MYO18A: variants seen among roughly 807,000 people sequenced by gnomAD.
MYO18A encodes unconventional myosin-XVIIIa.
A neutral mutation model predicts 235.8 loss-of-function variants in MYO18A; 78 were observed. The ratio of observed to expected loss-of-function variants is 0.33; its 90% CI spans 0.28 to 0.40. The LOEUF (loss-of-function observed/expected upper bound fraction) is 0.40, where lower values mean the gene tolerates loss of function less well. MYO18A is among the 10% of genes least tolerant of loss of function. The probability of loss-of-function intolerance (pLI) is 1.00; values close to 1 mark genes in which losing one functional copy is unlikely to be tolerated. For synonymous variants in MYO18A, 977 were observed against 1,077.8 expected, an observed-to-expected ratio of 0.91 and a Z score of 1.83; for missense variants, 2,215 against 2,699.3, an observed-to-expected ratio of 0.82 and a Z score of 3.98.
chr17:29,090,704 C>T, intron 35 of MYO18A, 89 bp from the exon 36 acceptor site: 1 of 1,528,286 alleles, frequency 6.5e-7, no homozygotes, highest in Non-Finnish European at 9.0e-7. Context: ...GACCGAGGTT[C>T]CCACTCCATC....
chr17:29,111,666 G>T lies in MYO18A; in HGVS notation c.2740+56C>A. On this transcript the variant is annotated intron_variant, in intron 16 of 41. Coordinates refer to ENST00000527372, the MANE Select transcript of MYO18A (RefSeq NM_078471.4). The surrounding 1 kb of genome is among the most constrained non-coding windows in gnomAD (Gnocchi z 5.1). ...GCCCCCTCCCAGGGAGTGCCACCTG[G>T]ACCCACCTGTATGTAAGAGGAAGCA... The T allele has an allele frequency of 3.1e-6, 5 of 1,612,056 alleles. No individual in the cohort carries two copies. The highest frequency in any genetic ancestry group is 4.2e-6 in the Non-Finnish European group (5 of 1,178,826).
intron 2 of MYO18A, among the ~76,000 whole-genome samples, chr17:29,145,501 G>GT (rs1211402136): frequency 1.3e-5 from 2 of 152,176 alleles, no homozygotes; most frequent in Non-Finnish European, 2.9e-5. Context: ...GCTGTGAACT[G>GT]TAATACCTCA....
At chr17:29,119,551 G>A in intron 7 of MYO18A, 116 bp from the exon 8 acceptor site, 1 of 566,516 alleles carries the variant, frequency 1.8e-6, no homozygotes, top group Non-Finnish European at 2.9e-6. Context: ...ACAAGCAGCT[G>A]CATTTTTTTT....
rs543143903 is a variant in MYO18A at position 29,083,538 on chromosome 17, A to G, written c.5898-1100T>C. ...GGCATGTGTGCGCGCGCGCGCACACACACACACACACACACACACACGAAA... is the reference window on the plus strand; with the variant it reads ...GGCATGTGTGCGCGCGCGCGCACACGCACACACACACACACACACACGAAA... On this transcript the variant is annotated intron_variant, in intron 40 of 41. Transcript: ENST00000527372. Among the ~76,000 whole-genome samples the G allele has an allele frequency of 5.3e-3, 806 of 151,486 alleles. 16 individuals are homozygous for G. The highest frequency in any genetic ancestry group is 0.019 in the African/African-American group (769 of 41,228).
chr17:29,154,121 T>TGTGTGTGCGCGCGCGC (rs142430455), intron 2 of MYO18A, among the ~76,000 whole-genome samples: 1 of 149,000 alleles, frequency 6.7e-6, no homozygotes, highest in African/African-American at 2.5e-5. Context: ...TGTGTGTGTG[T>TGTGTGTGCGCGCGCGC]GCGCGCGCGT....
intron 41 of MYO18A, chr17:29,080,275 A>T (rs776137657): frequency 4.8e-4 from 475 of 985,832 alleles, no homozygotes; most frequent in Non-Finnish European, 5.6e-4. Context: ...GGCAGCCTCC[A>T]GGTCTGGGTC....
intron 1 of MYO18A, among the ~76,000 whole-genome samples, chr17:29,174,792 G>A (rs558495557): frequency 6.6e-6 from 1 of 152,182 alleles, no homozygotes; most frequent in Non-Finnish European, 1.5e-5. Context: ...TCCAGCCTGC[G>A]CGAAAGGGCG....
chr17:29,166,528 C>A lies in MYO18A; in HGVS notation c.413G>T (p.Arg138Leu). The change falls in exon 2 of 42, where the codon CGC (arginine) becomes CTC (leucine). Residue 138 changes from arginine to leucine, a missense_variant. Physicochemically the swap from Arg to Leu is moderately radical, Grantham distance 102. Transcript: ENST00000527372. ...AKQNSQMIVK[R>L]FSFSQRSRDE... is the part of the protein sequence containing the mutation. Reference sequence around the variant, plus strand: ...CCGGCTACGCTGGGAGAAGGAAAAGCGCTTGACAATCATCTGTGAGTTCTG... The same window carrying A: ...CCGGCTACGCTGGGAGAAGGAAAAGAGCTTGACAATCATCTGTGAGTTCTG... 6.2e-7 allele frequency: 1 copy of A among 1,613,684 alleles called. No homozygotes were observed. The highest frequency in any genetic ancestry group is 8.5e-7 in the Non-Finnish European group (1 of 1,179,846).
rs1195686853 is a variant in MYO18A, at chr17:29,118,567, C to A, written c.1830-127G>T. ...TTTGTCTGCCCATCATCCCATCATC[C>A]CCAACTGGCGGGCCAGCTGTCACTG... On this transcript the variant is annotated intron_variant, in intron 8 of 41. Coordinates refer to ENST00000527372, the MANE Select transcript of MYO18A (RefSeq NM_078471.4). The surrounding 1 kb of genome is among the most constrained non-coding windows in gnomAD (Gnocchi z 4.2). The A allele has an allele frequency of 7.3e-6, 6 of 821,694 alleles. No individual in the cohort carries two copies. Among genetic ancestry groups the A allele is most frequent in the Non-Finnish European group, 1.2e-5 (6 of 511,424 alleles). The allele number at this position is 821,694 out of a possible 1,614,324, so 50.9% of individuals were successfully genotyped here. A position where few individuals can be genotyped will look rare whatever the true frequency, so the allele number is the denominator to read the frequency against.
Position 29,099,713 on chromosome 17 carries a change from T to A in MYO18A, c.3557A>T (p.Glu1186Val). The A allele has an allele frequency of 6.2e-7, 1 of 1,613,610 alleles. No individual in the cohort carries two copies. The highest frequency in any genetic ancestry group is 1.1e-5 in the South Asian group (1 of 91,052). Residue 1186 changes from glutamate (E) to valine (V), a missense_variant, in exon 22 of 42, where the codon GAA (glutamate) becomes GTA (valine). Coordinates refer to ENST00000527372, the MANE Select transcript of MYO18A (RefSeq NM_078471.4). ...CAGGGTTAGGTTCCTGCTGGTTTGT[T>A]CATCCCGCTGCTCCTCCAGCCGTGC... ...TLARLEEQRD[E>V]QTSRNLTLFQ...
intron 21 of MYO18A, among the ~76,000 whole-genome samples, chr17:29,100,183 A>G (rs536639926): frequency 6.6e-6 from 1 of 152,334 alleles, no homozygotes; most frequent in South Asian, 2.1e-4. Context: ...TGCAGGGCCC[A>G]ACCTGGGCTC....
intron 1 of MYO18A, among the ~76,000 whole-genome samples, chr17:29,168,839 G>A (rs1186943926): frequency 6.6e-6 from 1 of 152,168 alleles, no homozygotes. Context: ...GCTCATGCCT[G>A]TAATCCCCAA....
chr17:29,153,514 A>G (rs1301162493), intron 2 of MYO18A, among the ~76,000 whole-genome samples: 1 of 152,242 alleles, frequency 6.6e-6, no homozygotes, highest in Non-Finnish European at 1.5e-5. Context: ...AATTTGCCCA[A>G]GGTCACTCAG....
chr17:29,175,841 C>T (rs2068512188), intron 1 of MYO18A, among the ~76,000 whole-genome samples: 1 of 152,122 alleles, frequency 6.6e-6, no homozygotes, highest in East Asian at 1.9e-4. Flanking sequence ...AGGTGGATGA[C>T]GAGGTCAGGA....
At chr17:29,177,105 T>A (rs1266408814) in intron 1 of MYO18A, among the ~76,000 whole-genome samples, 1 of 152,100 alleles carries the variant, frequency 6.6e-6, no homozygotes, top group African/African-American at 2.4e-5. Flanking sequence ...GCCTCCACTA[T>A]TTCAGCTACA....
chr17:29,085,426 C>T (rs1028179175), intron 40 of MYO18A, among the ~76,000 whole-genome samples, 178 bp downstream of exon 40: 7 of 152,202 alleles, frequency 4.6e-5, no homozygotes, highest in Non-Finnish European at 8.8e-5. Context: ...CCTCATTGCC[C>T]GCTCCCTGCC....
In MYO18A at chr17:29,121,765, C is replaced by A. The variant is rs369219443; in HGVS notation, c.1195-42G>T. The A allele has an allele frequency of 1.2e-4, 195 of 1,596,568 alleles. 1 individual carries two copies. The highest frequency in any genetic ancestry group is 3.5e-5 in the Admixed American group (2 of 57,802). On this transcript the variant is annotated intron_variant, in intron 4 of 41. Transcript: ENST00000527372. This position sits in a 1 kb window ranked among gnomAD's most constrained non-coding sequence, Gnocchi z 4.2. ...GCGGGTGGGTATTAGAGCAGCAGAG[C>A]CCATCTCCGCTGCCAGAGGATGGGC...
In MYO18A at chr17:29,161,216, G is replaced by A. The variant is rs140260686; in HGVS notation, c.999+4726C>T. On this transcript the variant is annotated intron_variant, in intron 2 of 41. Coordinates refer to ENST00000527372, the MANE Select transcript of MYO18A (RefSeq NM_078471.4). Reference sequence around the variant, plus strand: ...CTAAAAATATAAAAATTAGCTAGGCGTGGTGGCAGGCACCTGTAATCCCAG... The same window carrying A: ...CTAAAAATATAAAAATTAGCTAGGCATGGTGGCAGGCACCTGTAATCCCAG... Among the ~76,000 whole-genome samples, 745 of 152,222 alleles carry A rather than the reference G, an allele frequency of 4.9e-3. 3 individuals carry two copies. Among genetic ancestry groups the A allele is most frequent in the Non-Finnish European group, 7.4e-3 (505 of 68,020 alleles).
Position 29,116,787 on chromosome 17 carries a change from T to A in MYO18A, c.2039-332A>T, listed in dbSNP as rs1440799242. ...AGCTCTGAGGCGCTAACAGACATTGTTTGAGAAGATCGCTGTGCTGACACC... is the reference window on the plus strand; with the variant it reads ...AGCTCTGAGGCGCTAACAGACATTGATTGAGAAGATCGCTGTGCTGACACC... On this transcript the variant is annotated intron_variant, in intron 10 of 41. Coordinates refer to ENST00000527372, the MANE Select transcript of MYO18A (RefSeq NM_078471.4). Among the ~76,000 whole-genome samples the A allele has an allele frequency of 5.5e-5, 7 of 127,024 alleles. No individual in the cohort carries two copies. The East Asian group carries it at 1.7e-3, about 31-fold the overall frequency. 83.3% of individuals were successfully genotyped at this position (127,024 alleles called of 152,430 possible). A position where few individuals can be genotyped will look rare whatever the true frequency, so the allele number is the denominator to read the frequency against.
Sources: allele counts gnomAD v4.1 joint callset (sites outside exome capture counted in the v4.1 genomes callset), GRCh38; gene constraint gnomAD v4.1.1; non-coding constraint Gnocchi (gnomAD v3.1); transcripts MANE v1.5; gene names NCBI Gene and HGNC (gene_info 2026-07-23, HGNC 2026-07-21).